The following HCRTR2 variants were observed in gnomAD, a reference collection of about 807,000 sequenced individuals.
HCRTR2 encodes the protein orexin receptor type 2.
Under a neutral mutation model 49.0 loss-of-function variants are expected in HCRTR2, and 22 were observed. The observed-to-expected ratio is 0.45, with a 90% CI of 0.32 to 0.64. The LOEUF (loss-of-function observed/expected upper bound fraction) is 0.64. Among genes scored for constraint, HCRTR2 ranks in the 30% least tolerant of loss-of-function variants. The probability of loss-of-function intolerance (pLI) is 0.04; values close to 1 mark genes in which losing one functional copy is unlikely to be tolerated. For synonymous variants in HCRTR2, 236 were observed against 205.3 expected (o/e 1.15, Z -1.28); for missense variants, 491 against 559.4 (o/e 0.88, Z 1.23).
intron 4 of HCRTR2, among the ~76,000 whole-genome samples, chr6:55,268,609 T>A (rs1446196164): frequency 6.6e-6 from 1 of 152,066 alleles, no homozygotes; most frequent in African/African-American, 2.4e-5. Flanking sequence ...AATATTACTA[T>A]ACATAGAGAG....
downstream of HCRTR2, among the ~76,000 whole-genome samples, chr6:55,284,038 T>C (rs555909655): frequency 6.6e-6 from 1 of 152,342 alleles, no homozygotes; most frequent in African/African-American, 2.4e-5. Flanking sequence ...ACTTCTTTTC[T>C]TATTTATGCT....
intron 1 of HCRTR2, among the ~76,000 whole-genome samples, chr6:55,245,469 T>TTATATATATATATATATATATATATATA (rs745939954): frequency 1.8e-5 from 1 of 56,770 alleles, no homozygotes; most frequent in African/African-American, 5.7e-5. Context: ...TAGGAAGATT[T>TTATATATATATATATATATATATATATA]TATATATATA....
At chr6:55,253,473 G>C (rs1297157150) in intron 2 of HCRTR2, among the ~76,000 whole-genome samples, 1 of 152,080 alleles carries the variant, frequency 6.6e-6, no homozygotes, top group African/African-American at 2.4e-5. Context: ...ATATAACCAG[G>C]ACAGAAAAAT....
intron 1 of HCRTR2, among the ~76,000 whole-genome samples, chr6:55,226,711 GTTTTTTTT>G (rs777871106): frequency 1.5e-4 from 11 of 74,288 alleles, no homozygotes; most frequent in African/African-American, 6.5e-4. Context: ...AATTCCAGGT[GTTTTTTTT>G]TTTTTTTTTT....
chr6:55,107,066 G>A (rs1222643000), intron 1 of HCRTR2, among the ~76,000 whole-genome samples: 1 of 152,058 alleles, frequency 6.6e-6, no homozygotes, highest in Non-Finnish European at 1.5e-5. Context: ...ATTGCAAAGG[G>A]CACATAAGCA....
At chr6:55,230,156 A>G (rs147414769) in intron 1 of HCRTR2, among the ~76,000 whole-genome samples, 2 of 152,342 alleles carry the variant, frequency 1.3e-5, no homozygotes, top group East Asian at 3.9e-4. Flanking sequence ...TAACCAGGAT[A>G]TGAATAGACT....
chr6:55,148,276 AT>A (rs1764620857), intron 1 of HCRTR2, among the ~76,000 whole-genome samples: 1 of 151,910 alleles, frequency 6.6e-6, no homozygotes. Flanking sequence ...CTACTCATTT[AT>A]TTTTGTGGGA....
chr6:55,164,174 TGG>T (rs1764844823), intron 1 of HCRTR2, among the ~76,000 whole-genome samples: 1 of 152,148 alleles, frequency 6.6e-6, no homozygotes, highest in South Asian at 2.1e-4. Context: ...ACACTGTTGG[TGG>T]GAGTGTAAAT....
At chr6:55,136,001 T>C (rs1764428862) in intron 1 of HCRTR2, among the ~76,000 whole-genome samples, 1 of 152,220 alleles carries the variant, frequency 6.6e-6, no homozygotes, top group Admixed American at 6.5e-5. Flanking sequence ...GCATGCCTGC[T>C]TCCCTTCTCA....
In HCRTR2 at chr6:55,153,393, G is replaced by A. The variant is rs182262784; in HGVS notation, c.-377-20818G>A. Among the ~76,000 whole-genome samples, 359 of 152,068 alleles carry A rather than the reference G, an allele frequency of 2.4e-3. 2 individuals are homozygous for A. Among genetic ancestry groups the A allele is most frequent in the African/African-American group, 8.4e-3 (347 of 41,522 alleles). ...TTTGCTCCTAGCCAACAAACGTGTA[G>A]CATATTACTGGATACTGAATATTAT... is the stretch of plus-strand genomic sequence containing the variant. On this transcript the variant is annotated intron_variant, in intron 1 of 7. Transcript: ENST00000615358.
chr6:55,279,166 G>T (rs1767139133), intron 5 of HCRTR2, among the ~76,000 whole-genome samples: 1 of 151,866 alleles, frequency 6.6e-6, no homozygotes, highest in Non-Finnish European at 1.5e-5. Flanking sequence ...AAAAGAACTT[G>T]AAAATTGTTT....
upstream of HCRTR2, among the ~76,000 whole-genome samples, chr6:55,174,025 C>G (rs192524665): frequency 2.6e-5 from 4 of 152,140 alleles, no homozygotes; most frequent in East Asian, 7.8e-4. Flanking sequence ...TCAACATGCT[C>G]TGTATTAATT....
At position 55,174,695 on chromosome 6, in the gene HCRTR2, C is replaced by A. The variant is rs199728724; in HGVS notation, c.108C>A (p.Asp36Glu). The change falls in exon 1 of 7, where the codon GAC becomes GAA. Residue 36 changes from aspartate (D) to glutamate (E), a missense_variant. Physicochemically the swap from Asp to Glu is conservative, Grantham distance 45 (BLOSUM62 2). Transcript: ENST00000370862. Reference sequence around the variant, plus strand: ...TTTTAAACCCCACCGACTATGACGACGAGGAATTCCTGCGGTACCTGTGGA... The same window carrying A: ...TTTTAAACCCCACCGACTATGACGAAGAGGAATTCCTGCGGTACCTGTGGA... ...EPFLNPTDYDDEEFLRYLWRE... is the reference protein window; with the variant it reads ...EPFLNPTDYDEEEFLRYLWRE... The A allele has an allele frequency of 1.6e-5, 26 of 1,613,944 alleles. No individual in the cohort carries two copies. In the African/African-American group the frequency reaches 3.2e-4, roughly 20 times the overall value.
intron 1 of HCRTR2, among the ~76,000 whole-genome samples, chr6:55,166,946 C>A (rs1303580844): frequency 2.4e-5 from 2 of 84,344 alleles, no homozygotes; most frequent in Non-Finnish European, 4.8e-5. Flanking sequence ...ACATAAGACA[C>A]AAAACCCAAC....
intron 4 of HCRTR2, among the ~76,000 whole-genome samples, chr6:55,268,438 A>G (rs991978064): frequency 6.7e-6 from 1 of 149,946 alleles, no homozygotes. Flanking sequence ...CCAATAATTT[A>G]AAAAAACCCA....
chr6:55,222,770 G>T (rs546715295), intron 1 of HCRTR2, among the ~76,000 whole-genome samples: 4 of 152,282 alleles, frequency 2.6e-5, no homozygotes, highest in South Asian at 4.1e-4. Context: ...CAGCTGCCAG[G>T]TCCTGGGAGT....
chr6:55,208,504 T>TA (rs527251037), intron 1 of HCRTR2, among the ~76,000 whole-genome samples: 168 of 137,700 alleles, frequency 1.2e-3, no homozygotes, highest in Non-Finnish European at 1.8e-3. Context: ...AAAATAAAAA[T>TA]AAAAAAAAAA....
chr6:55,110,213 A>G (rs1401216383), intron 1 of HCRTR2, among the ~76,000 whole-genome samples: 1 of 152,162 alleles, frequency 6.6e-6, no homozygotes, highest in African/African-American at 2.4e-5. Context: ...AGCTACTAAA[A>G]GAAGTTCTAA....
intron 4 of HCRTR2, among the ~76,000 whole-genome samples, chr6:55,264,933 T>C (rs2127323886): frequency 6.6e-6 from 1 of 152,090 alleles, no homozygotes; most frequent in East Asian, 1.9e-4. Flanking sequence ...TGAGGATGTG[T>C]CTTTGTTTTT....
Sources: allele counts gnomAD v4.1 joint callset (sites outside exome capture counted in the v4.1 genomes callset), GRCh38; gene constraint gnomAD v4.1.1; transcripts MANE v1.5; gene names NCBI Gene and HGNC (gene_info 2026-07-23, HGNC 2026-07-21).